The following ST18 variants were observed in gnomAD, a reference collection of about 807,000 sequenced individuals.
ST18 encodes ST18 C2H2C-type zinc finger transcription factor.
Under a neutral mutation model 110.0 loss-of-function variants are expected in ST18, and 50 were observed. The ratio of observed to expected loss-of-function variants is 0.45; its 90% CI spans 0.36 to 0.58. The LOEUF (loss-of-function observed/expected upper bound fraction) is 0.58, where lower values mean the gene tolerates loss of function less well. Among genes scored for constraint, ST18 ranks in the 20% least tolerant of loss-of-function variants. The pLI is 0.00. For synonymous variants in ST18, 461 were observed against 452.4 expected, an observed-to-expected ratio of 1.02 and a Z score of -0.24; for missense variants, 1,306 against 1,280.1, an observed-to-expected ratio of 1.02 and a Z score of -0.31.
At chr8:52,262,581 A>G (rs2094727714) in intron 2 of ST18, among the ~76,000 whole-genome samples, 1 of 152,226 alleles carries the variant, frequency 6.6e-6, no homozygotes, top group Non-Finnish European at 1.5e-5. Context: ...GCTTAAGACT[A>G]TTTACATGAC....
intron 14 of ST18, 97 bp downstream of exon 14, chr8:52,161,278 A>T: frequency 8.1e-7 from 1 of 1,234,788 alleles, no homozygotes; most frequent in South Asian, 1.5e-5. Flanking sequence ...TATGTAGTAT[A>T]TCATATATTT....
intron 11 of ST18, 50 bp downstream of exon 11, chr8:52,166,802 G>T (rs979073579): frequency 6.9e-7 from 1 of 1,450,490 alleles, no homozygotes; most frequent in Non-Finnish European, 9.2e-7. Flanking sequence ...ATAACATCTT[G>T]ATGATCTGGC....
intron 2 of ST18, among the ~76,000 whole-genome samples, chr8:52,394,946 C>T (rs573162579): frequency 6.6e-6 from 1 of 151,728 alleles, no homozygotes; most frequent in Non-Finnish European, 1.5e-5. Flanking sequence ...ACACAGCAGA[C>T]GCAATGATTC....
intron 2 of ST18, among the ~76,000 whole-genome samples, chr8:52,250,784 G>T (rs2094254675): frequency 6.6e-6 from 1 of 151,794 alleles, no homozygotes; most frequent in South Asian, 2.1e-4. Flanking sequence ...TGCTGGGAAA[G>T]GTGAGCTATA....
At chr8:52,385,094 C>A (rs1191435309) in intron 2 of ST18, among the ~76,000 whole-genome samples, 1 of 152,102 alleles carries the variant, frequency 6.6e-6, no homozygotes, top group Non-Finnish European at 1.5e-5. Context: ...AAACGTGAGA[C>A]TCAGAAATTT....
intron 2 of ST18, among the ~76,000 whole-genome samples, chr8:52,375,802 A>ACGCC (rs1235912404): frequency 1.3e-5 from 2 of 151,986 alleles, no homozygotes; most frequent in African/African-American, 4.8e-5. Flanking sequence ...TTAAATCAAC[A>ACGCC]CACCCGGACT....
intron 2 of ST18, among the ~76,000 whole-genome samples, chr8:52,284,777 C>T (rs1274455129): frequency 1.3e-5 from 2 of 152,118 alleles, no homozygotes; most frequent in East Asian, 1.9e-4. Context: ...TGAAAACTCT[C>T]AGGGGGACTG....
intron 2 of ST18, among the ~76,000 whole-genome samples, chr8:52,264,033 A>C (rs2094788737): frequency 6.6e-6 from 1 of 152,070 alleles, no homozygotes; most frequent in Non-Finnish European, 1.5e-5. Flanking sequence ...TCCTGACCTC[A>C]AGTGACCTGC....
At chr8:52,374,869 CT>C (rs1831645968) in intron 2 of ST18, among the ~76,000 whole-genome samples, 1 of 152,166 alleles carries the variant, frequency 6.6e-6, no homozygotes, top group African/African-American at 2.4e-5. Flanking sequence ...GATCTCATTC[CT>C]TTTTATGGCT....
At chr8:52,140,637 A>G (rs1006963092) in intron 17 of ST18, among the ~76,000 whole-genome samples, 1 of 152,136 alleles carries the variant, frequency 6.6e-6, no homozygotes, top group African/African-American at 2.4e-5. Flanking sequence ...TAATTTCTTA[A>G]GAATTTTTGG....
chr8:52,145,647 TTTA>T (rs1336334833), intron 16 of ST18, among the ~76,000 whole-genome samples: 3 of 152,176 alleles, frequency 2.0e-5, no homozygotes, highest in African/African-American at 4.8e-5. Flanking sequence ...AAATAATAAT[TTTA>T]TTTTGTGGTT....
intron 2 of ST18, chr8:52,248,389 T>G (rs2094021969): frequency 6.6e-6 from 1 of 152,186 alleles, no homozygotes; most frequent in South Asian, 2.1e-4. Flanking sequence ...AACAATACTT[T>G]TTAAATGTTT....
chr8:52,217,226 C>T (rs904072366), intron 6 of ST18, among the ~76,000 whole-genome samples: 5 of 152,130 alleles, frequency 3.3e-5, no homozygotes, highest in African/African-American at 1.2e-4. Context: ...ATACTTCATT[C>T]TCATATACCT....
intron 10 of ST18, 36 bp downstream of exon 10, chr8:52,171,755 CT>C (rs1199459521): frequency 6.3e-7 from 1 of 1,598,966 alleles, no homozygotes; most frequent in Non-Finnish European, 8.5e-7. Flanking sequence ...CCCTAATGCA[CT>C]TTTATTCCTA....
In ST18 at chr8:52,119,484, T is replaced by C. The variant is rs536882910; in HGVS notation, c.2756-1043A>G. Among the ~76,000 whole-genome samples, 48 of 152,224 alleles carry C rather than the reference T, an allele frequency of 3.2e-4. 2 individuals carry two copies. Among genetic ancestry groups the C allele is most frequent in the African/African-American group, 1.2e-3 (48 of 41,552 alleles). Reference sequence around the variant, plus strand: ...GGATAAAGGGTACTTGGCTTGACAATTGGTTTGAAAGAGATCTGGGCTCTT... The same window carrying C: ...GGATAAAGGGTACTTGGCTTGACAACTGGTTTGAAAGAGATCTGGGCTCTT... On this transcript the variant is annotated intron_variant, in intron 23 of 25. Transcript: ENST00000689386.
At chr8:52,224,693 C>T (rs928888777) in intron 3 of ST18, among the ~76,000 whole-genome samples, 2 of 152,172 alleles carry the variant, frequency 1.3e-5, no homozygotes, top group Non-Finnish European at 2.9e-5. Context: ...GATTTTAAAT[C>T]GTTGCATATT....
intron 2 of ST18, among the ~76,000 whole-genome samples, chr8:52,390,745 C>G (rs960193280): frequency 6.6e-6 from 1 of 152,150 alleles, no homozygotes; most frequent in Non-Finnish European, 1.5e-5. Flanking sequence ...CCACTGGGCC[C>G]GTGCCACAGC....
intron 2 of ST18, among the ~76,000 whole-genome samples, chr8:52,322,499 T>A (rs990461816): frequency 2.6e-5 from 4 of 152,224 alleles, no homozygotes. Flanking sequence ...ATCAAATAAC[T>A]ACTTGAATTA....
intron 2 of ST18, among the ~76,000 whole-genome samples, chr8:52,341,608 T>G (rs767354648): frequency 8.5e-5 from 13 of 152,228 alleles, no homozygotes; most frequent in Non-Finnish European, 1.8e-4. Flanking sequence ...ATGTTAGAAT[T>G]TATATCATAT....
Sources: allele counts gnomAD v4.1 joint callset (sites outside exome capture counted in the v4.1 genomes callset), GRCh38; gene constraint gnomAD v4.1.1; transcripts MANE v1.5; gene names NCBI Gene and HGNC (gene_info 2026-07-23, HGNC 2026-07-21).